Variants in TRRAP observed in about 807,000 individuals in gnomAD.
TRRAP encodes the protein transformation/transcription domain associated protein, also known as transformation/transcription domain-associated protein.
Under a neutral mutation model 438.8 loss-of-function variants are expected in TRRAP, and 41 were observed. The observed-to-expected ratio is 0.09, with a 90% confidence interval of 0.07 to 0.12. The LOEUF is 0.12. TRRAP is among the 10% of genes least tolerant of loss of function. The pLI, the probability that TRRAP is intolerant of heterozygous loss-of-function variation, is 1.00. For missense variants in TRRAP, 3,122 were observed against 5,055.1 expected (o/e 0.62, Z 11.60); for synonymous variants, 1,994 against 1,962.9 (o/e 1.02, Z -0.42).
At chr7:98,923,013 T>G (rs1048389762) in intron 21 of TRRAP, among the ~76,000 whole-genome samples, 8 of 152,186 alleles carry the variant, frequency 5.3e-5, no homozygotes, top group Admixed American at 2.6e-4. Flanking sequence ...CCCCCGCAAC[T>G]TCCTCAAGCC....
chr7:99,004,359 A>T lies in TRRAP; in HGVS notation c.10479A>T (p.Glu3493Asp), dbSNP rs536711635. ...SNFSAQTAEV[E>D]IPGEFLMPKP... ...TCTCGGCACAGACAGCTGAAGTGGA[A>T]ATTCCTGGGGAGTTTCTGATGCCAA... The change falls in exon 68 of 73, where the codon GAA becomes GAT. Residue 3493 changes from glutamate to aspartate, a missense_variant. Physicochemically the swap from Glu to Asp is conservative, Grantham distance 45. This residue lies in a region of TRRAP where 107 missense variants were observed against 327.5 expected (regional missense o/e 0.33). Transcript: ENST00000456197. 16 of 1,614,188 alleles carry T rather than the reference A, an allele frequency of 9.9e-6. No individual in the cohort carries two copies. In the East Asian group the frequency reaches 3.1e-4, roughly 31 times the overall value.
chr7:98,949,460 T>A lies in TRRAP; in HGVS notation c.4832T>A (p.Leu1611Gln), dbSNP rs537519711. Residue 1611 changes from leucine (L) to glutamine (Q), a missense_variant, in exon 36 of 73, where the codon CTG (leucine) becomes CAG (glutamine). Leu to Gln is a moderately radical substitution (Grantham distance 113, BLOSUM62 -2). This residue lies in a region of TRRAP where 272 missense variants were observed against 348.5 expected (regional missense o/e 0.78). Transcript: ENST00000456197. ...HKDARPLRDVLAANPNRFITL... is the reference protein window; with the variant it reads ...HKDARPLRDVQAANPNRFITL... ...GACGCCAGACCTCTGCGGGATGTGC[T>A]GGCTGCCAACCCCAACAGGTTCATC... 2 of 1,604,724 alleles carry A rather than the reference T, an allele frequency of 1.2e-6. No homozygotes were observed. The highest frequency in any genetic ancestry group is 2.2e-5 in the South Asian group (2 of 89,766).
chr7:98,983,499 TTCC>T, intron 60 of TRRAP, 40 bp downstream of exon 60: 1 of 1,610,470 alleles, frequency 6.2e-7, no homozygotes, highest in Non-Finnish European at 8.5e-7. Flanking sequence ...TCATGTAATT[TTCC>T]AGACGCCCCA....
chr7:98,966,023 T>G lies in TRRAP; in HGVS notation c.7176+128T>G, dbSNP rs1792136302. The stretch of plus-strand genomic sequence containing the variant: ...GCTGTAATTGCACTCACAGCATCTT[T>G]TCTTAATTAAGATGGATTTTTGTCT... On this transcript the variant is annotated intron_variant, in intron 49 of 72. Coordinates refer to ENST00000456197, the MANE Select transcript of TRRAP (RefSeq NM_001375524.1). 4.6e-6 allele frequency: 5 copies of G among 1,087,314 alleles called. No individual in the cohort carries two copies. In the African/African-American group the frequency reaches 7.9e-5, roughly 17 times the overall value. 67.4% of individuals were successfully genotyped at this position (1,087,314 alleles called of 1,614,324 possible). A position where few individuals can be genotyped will look rare whatever the true frequency, so the allele number is the denominator to read the frequency against.
chr7:98,998,994 C>A, intron 67 of TRRAP: 1 of 645,428 alleles, frequency 1.5e-6, no homozygotes, highest in South Asian at 2.0e-5. Flanking sequence ...CTGCAGGCCC[C>A]CACAGGCGGG....
At chr7:98,983,083 G>T (rs1367144875) in intron 59 of TRRAP, among the ~76,000 whole-genome samples, 181 bp from the exon 60 acceptor site, 1 of 152,188 alleles carries the variant, frequency 6.6e-6, no homozygotes, top group Non-Finnish European at 1.5e-5. Context: ...AGTAGTGTTT[G>T]GGGTGAACAG....
chr7:98,947,450 TTTTTTTTTCTTTTC>T (rs1196264456), intron 33 of TRRAP, among the ~76,000 whole-genome samples: 1 of 151,352 alleles, frequency 6.6e-6, no homozygotes, highest in Non-Finnish European at 1.5e-5. Flanking sequence ...TTTGTGTGGT[TTTTTTTTTCTTTTC>T]TTTTTTTTTG....
At chr7:99,002,770 A>G (rs1377521977) in intron 67 of TRRAP, among the ~76,000 whole-genome samples, 1 of 152,364 alleles carries the variant, frequency 6.6e-6, no homozygotes. Context: ...CATGAAACCA[A>G]TGACATTTGT....
chr7:98,923,009 C>CAA (rs1562943154), intron 21 of TRRAP, among the ~76,000 whole-genome samples: 3 of 152,132 alleles, frequency 2.0e-5, no homozygotes, highest in African/African-American at 7.2e-5. Context: ...CTGTCCCCCG[C>CAA]AACTTCCTCA....
chr7:98,942,278 G>A (rs112741787), intron 30 of TRRAP, among the ~76,000 whole-genome samples: 4 of 152,166 alleles, frequency 2.6e-5, no homozygotes, highest in African/African-American at 9.7e-5. Context: ...ACCAAGTGGG[G>A]TCCACATCTA....
At chr7:98,892,861 G>A (rs1341833096) in intron 5 of TRRAP, among the ~76,000 whole-genome samples, 2 of 152,160 alleles carry the variant, frequency 1.3e-5, no homozygotes, top group Non-Finnish European at 2.9e-5. Flanking sequence ...CCAGTGTGGC[G>A]CATCACACCT....
intron 8 of TRRAP, 129 bp from the exon 9 acceptor site, chr7:98,899,293 A>G: frequency 4.0e-6 from 3 of 742,844 alleles, no homozygotes; most frequent in Non-Finnish European, 7.0e-6. Context: ...TTTCATCACA[A>G]ATATTTACAA....
rs774003630 is a variant in TRRAP at position 98,977,028 on chromosome 7, G to A, written c.8337G>A (p.Ser2779=). 9.3e-6 allele frequency: 15 copies of A among 1,614,220 alleles called. No homozygotes were observed. Among genetic ancestry groups the A allele is most frequent in the East Asian group, 4.5e-5 (2 of 44,888 alleles). Residue 2779 remains serine (S), a synonymous_variant, in exon 56 of 73, where the codon TCG becomes TCA. Transcript: ENST00000456197. ...TGTGGCAGAAGCGGTGCAAGTACTC[G>A]GAGACAGCGACTGCGATTGCTTACG... ...AGLWQKRCKY[S]ETATAIAYEQ... is the part of the protein sequence containing the mutation.
Position 99,011,473 on chromosome 7 carries a change from T to A in TRRAP, c.11275T>A (p.Ser3759Thr), listed in dbSNP as rs1241115718. The A allele has an allele frequency of 6.2e-7, 1 of 1,614,272 alleles. No homozygotes were observed. Among genetic ancestry groups the A allele is most frequent in the South Asian group, 1.1e-5 (1 of 91,090 alleles). The change falls in exon 72 of 73, where the codon TCC becomes ACC. Residue 3759 changes from serine to threonine, a missense_variant. Ser to Thr is a moderately conservative substitution (Grantham distance 58). Around this residue, in one of 24 missense-constraint regions of TRRAP, gnomAD observed 192 missense variants for 355.6 expected, o/e 0.54. Coordinates refer to ENST00000456197, the MANE Select transcript of TRRAP (RefSeq NM_001375524.1). This position sits in a 1 kb window ranked among gnomAD's most constrained non-coding sequence, Gnocchi z 7.1. ...ISEFLTTIGV[S>T]GPLTASMIAV... ...TGAGTTTCTGACCACCATCGGGGTCTCCGGCCCGTTGACAGCGTCCATGAT... is the reference window on the plus strand; with the variant it reads ...TGAGTTTCTGACCACCATCGGGGTCACCGGCCCGTTGACAGCGTCCATGAT...
intron 53 of TRRAP, among the ~76,000 whole-genome samples, chr7:98,973,412 T>G (rs999536497): frequency 4.6e-5 from 7 of 152,210 alleles, no homozygotes; most frequent in African/African-American, 7.2e-5. Context: ...CCTCAGCTCC[T>G]GGTGCGAGTG....
At chr7:98,929,635 C>G (rs1790229892) in intron 23 of TRRAP, among the ~76,000 whole-genome samples, 1 of 151,414 alleles carries the variant, frequency 6.6e-6, no homozygotes, top group African/African-American at 2.4e-5. Context: ...CGGAGTCTCA[C>G]TCTGGCGGCC....
At chr7:98,925,337 G>C (rs1789998446) in intron 22 of TRRAP, 74 bp downstream of exon 22, 1 of 1,557,838 alleles carries the variant, frequency 6.4e-7, no homozygotes, top group Admixed American at 1.9e-5. Flanking sequence ...GGGCCTCCCA[G>C]GTTTCCTGGT....
chr7:98,904,552 C>T (rs1011627010), intron 12 of TRRAP, among the ~76,000 whole-genome samples: 1 of 148,572 alleles, frequency 6.7e-6, no homozygotes, highest in African/African-American at 2.5e-5. Flanking sequence ...CGTTACTGTA[C>T]AAGCTAGCCC....
Position 98,948,824 on chromosome 7 carries a change from C to A in TRRAP, c.4788+139C>A. On this transcript the variant is annotated intron_variant, in intron 35 of 72. Coordinates refer to ENST00000456197, the MANE Select transcript of TRRAP (RefSeq NM_001375524.1). The surrounding 1 kb of genome is among the most constrained non-coding windows in gnomAD (Gnocchi z 4.9). Reference sequence around the variant, plus strand: ...AGATCCATTTGAATATTGGAAACAGCATTGCTGTTTGGTTGTGTCTGTGAA... The same window carrying A: ...AGATCCATTTGAATATTGGAAACAGAATTGCTGTTTGGTTGTGTCTGTGAA... 7.1e-7 allele frequency: 1 copy of A among 1,401,236 alleles called. No homozygotes were observed. The highest frequency in any genetic ancestry group is 9.6e-7 in the Non-Finnish European group (1 of 1,043,760). The allele number at this position is 1,401,236 out of a possible 1,614,324, so 86.8% of individuals were successfully genotyped here. A position where few individuals can be genotyped will look rare whatever the true frequency, so the allele number is the denominator to read the frequency against.
Sources: gnomAD v4.1 joint callset for allele counts (sites outside exome capture counted in the v4.1 genomes callset) on GRCh38, gnomAD v4.1.1 for gene constraint, gnomAD v4.1.1 regional missense constraint, Gnocchi (gnomAD v3.1) non-coding constraint, MANE v1.5 for transcripts, NCBI Gene and HGNC (gene_info 2026-07-23, HGNC 2026-07-21) for gene names.